BTD: variants seen among roughly 807,000 people sequenced by gnomAD.
BTD encodes the protein biocytinase.
In BTD, 13 loss-of-function variants were observed where a neutral mutation model predicts 17.7. The observed-to-expected ratio is 0.74, with a 90% CI of 0.48 to 1.17. The LOEUF (loss-of-function observed/expected upper bound fraction) is 1.17. Among genes scored for constraint, BTD ranks in the 50% most tolerant of loss-of-function variants. The probability of loss-of-function intolerance (pLI) is 0.00; values close to 1 mark genes in which losing one functional copy is unlikely to be tolerated. For missense variants in BTD, 674 were observed against 650.4 expected (o/e 1.04, Z -0.39); for synonymous variants, 240 against 245.2 (o/e 0.98, Z 0.20).
In BTD at chr3:15,648,385, A is replaced by G. The variant is rs923477488; in HGVS notation, c.*2897A>G. ...TGCTTGGGAGGCCATGTTCCTTCTC[A>G]GGCCAGAGAAAGGTCCTGGTCTCCT... On this transcript the variant is annotated 3_prime_UTR_variant, in exon 4 of 4. Coordinates refer to ENST00000643237, the MANE Select transcript of BTD (RefSeq NM_001370658.1). Among the ~76,000 whole-genome samples the G allele has an allele frequency of 6.6e-6, 1 of 152,250 alleles. No homozygotes were observed. The highest frequency in any genetic ancestry group is 6.5e-5 in the Admixed American group (1 of 15,288).
chr3:15,693,712 C>T (rs2069131607), intron 3 of BTD, among the ~76,000 whole-genome samples: 1 of 152,048 alleles, frequency 6.6e-6, no homozygotes, highest in Non-Finnish European at 1.5e-5. Context: ...GACTTATTTA[C>T]TATGCATGTC....
intron 3 of BTD, among the ~76,000 whole-genome samples, chr3:15,643,178 T>C (rs1219418083): frequency 6.6e-6 from 1 of 152,220 alleles, no homozygotes; most frequent in Non-Finnish European, 1.5e-5. Flanking sequence ...AGTGCCTCTT[T>C]TTCCATCCTT....
chr3:15,618,678 A>G (rs560396530), intron 1 of BTD, among the ~76,000 whole-genome samples: 1 of 152,174 alleles, frequency 6.6e-6, no homozygotes, highest in South Asian at 2.1e-4. Flanking sequence ...GACGCCTGCC[A>G]CCACACCTGG....
chr3:15,658,902 T>C lies in BTD; in HGVS notation c.399+16845T>C, dbSNP rs76028219. The stretch of plus-strand genomic sequence containing the variant: ...TCGATGAAAACTCAGGAAGGTTATG[T>C]AACTTGCCAAAAATCATACAGGTTG... On this transcript the variant is annotated intron_variant, in intron 3 of 3. Coordinates refer to the BTD transcript ENST00000672141. Among the ~76,000 whole-genome samples, 654 of 152,286 alleles carry C rather than the reference T, an allele frequency of 4.3e-3. 1 individual carries two copies. Among genetic ancestry groups the C allele is most frequent in the Non-Finnish European group, 6.9e-3 (470 of 68,028 alleles).
intron 1 of BTD, among the ~76,000 whole-genome samples, chr3:15,628,846 A>G (rs1382918196): frequency 6.6e-6 from 1 of 152,010 alleles, no homozygotes; most frequent in Non-Finnish European, 1.5e-5. Context: ...AATCTGTTTC[A>G]TTTTTGCAGG....
At chr3:15,639,030 C>T (rs1259205004) in intron 2 of BTD, among the ~76,000 whole-genome samples, 1 of 152,192 alleles carries the variant, frequency 6.6e-6, no homozygotes, top group Admixed American at 6.5e-5. Context: ...AAAACGGAGT[C>T]TAGTTTCAAG....
At chr3:15,702,858 A>T (rs1338285602) in intron 3 of BTD, among the ~76,000 whole-genome samples, 1 of 152,130 alleles carries the variant, frequency 6.6e-6, no homozygotes, top group East Asian at 1.9e-4. Context: ...TCAGTTTTAA[A>T]AAATACAACT....
chr3:15,613,446 T>C (rs563547838), intron 1 of BTD, among the ~76,000 whole-genome samples: 4 of 152,188 alleles, frequency 2.6e-5, no homozygotes, highest in Non-Finnish European at 5.9e-5. Flanking sequence ...TCCTGAGCCC[T>C]GCCAGATAAT....
intron 1 of BTD, among the ~76,000 whole-genome samples, chr3:15,624,305 T>G (rs997838392): frequency 6.6e-6 from 1 of 152,206 alleles, no homozygotes; most frequent in Non-Finnish European, 1.5e-5. Context: ...CAGTCATTAT[T>G]GCCTCAGATA....
chr3:15,718,490 C>T lies in BTD; in HGVS notation c.1016-3280C>T, dbSNP rs150020849. ...TACTCTAAGTGGGCCTCTTAGAGGA[C>T]TGATTCTCAATTCTACATTTCAAAA... On this transcript the variant is annotated intron_variant, in intron 4 of 4. Coordinates refer to the BTD transcript ENST00000672427. Among the ~76,000 whole-genome samples, 717 of 152,278 alleles carry T rather than the reference C, an allele frequency of 4.7e-3. 9 individuals carry two copies. Among genetic ancestry groups the T allele is most frequent in the African/African-American group, 0.016 (681 of 41,560 alleles).
rs549893744 is a variant in BTD, at chr3:15,601,908, G to A, written c.-17+14G>A. 6.2e-7 allele frequency: 1 copy of A among 1,613,324 alleles called. No individual in the cohort carries two copies. The highest frequency in any genetic ancestry group is 1.3e-5 in the African/African-American group (1 of 75,010). ...CGCTAAGAGCAGGTACGGAGGGGGC[G>A]TGGTGCGGCGCGGAGGGGGTGTGGT... On this transcript the variant is annotated intron_variant, in intron 1 of 3. Transcript: ENST00000643237.
At position 15,652,114 on chromosome 3, in the gene BTD, G is replaced by T. The variant is rs966076113; in HGVS notation, c.*6626G>T. Among the ~76,000 whole-genome samples the T allele has an allele frequency of 6.6e-6, 1 of 152,232 alleles. No individual in the cohort carries two copies. The highest frequency in any genetic ancestry group is 2.4e-5 in the African/African-American group (1 of 41,460). ...GAGGCCAAGCCTGGCGGATCACAAG[G>T]TTAGGAGTTCAAGACCAGTCTGGCC... On this transcript the variant is annotated 3_prime_UTR_variant, in exon 4 of 4. Transcript: ENST00000643237.
downstream of BTD, among the ~76,000 whole-genome samples, chr3:15,657,643 C>G (rs1420113112): frequency 2.6e-5 from 4 of 152,160 alleles, no homozygotes; most frequent in South Asian, 2.1e-4. Flanking sequence ...AGTAGCCTTT[C>G]CATATTCCAG....
chr3:15,658,834 T>C (rs1307318829), intron 3 of BTD, among the ~76,000 whole-genome samples: 3 of 152,230 alleles, frequency 2.0e-5, no homozygotes, highest in Non-Finnish European at 2.9e-5. Context: ...CTCATCTCAT[T>C]TATACCAGAA....
Position 15,644,411 on chromosome 3 carries a change from G to A in BTD, c.495G>A (p.Arg165=). 6.2e-7 allele frequency: 1 copy of A among 1,614,118 alleles called. No homozygotes were observed. Among genetic ancestry groups the A allele is most frequent in the Non-Finnish European group, 8.5e-7 (1 of 1,180,016 alleles). ...AGCCTTGTCATAGCAGTGACCCAAG[G>A]TGCCCAAAAGATGGGAGATACCAGT... ...TKEPCHSSDP[R]CPKDGRYQFN... The change falls in exon 4 of 4, where the codon AGG becomes AGA. Residue 165 remains arginine, a synonymous_variant. Coordinates refer to ENST00000643237, the MANE Select transcript of BTD (RefSeq NM_001370658.1).
intron 3 of BTD, among the ~76,000 whole-genome samples, chr3:15,705,071 G>C (rs1048009010): frequency 1.3e-5 from 2 of 152,164 alleles, no homozygotes; most frequent in Admixed American, 6.5e-5. Flanking sequence ...GAAACTCCAA[G>C]ATTTAAATTG....
Position 15,696,169 on chromosome 3 carries a change from A to C in BTD, c.400-13891A>C, listed in dbSNP as rs369238834. On this transcript the variant is annotated intron_variant, in intron 3 of 3. Coordinates refer to the BTD transcript ENST00000672141. Reference sequence around the variant, plus strand: ...CATAGACGGTGACCATAAGCAGCTGAATAATGAACTGCGTTGTATCCTTGC... The same window carrying C: ...CATAGACGGTGACCATAAGCAGCTGCATAATGAACTGCGTTGTATCCTTGC... 308 of 1,592,888 alleles carry C rather than the reference A, an allele frequency of 1.9e-4. No homozygotes were observed. The highest frequency in any genetic ancestry group is 2.5e-4 in the Non-Finnish European group (294 of 1,167,892).
chr3:15,649,530 A>C lies in BTD; in HGVS notation c.*4042A>C, dbSNP rs1051493925. Among the ~76,000 whole-genome samples, 4 of 152,160 alleles carry C rather than the reference A, an allele frequency of 2.6e-5. No homozygotes were observed. The highest frequency in any genetic ancestry group is 4.4e-5 in the Non-Finnish European group (3 of 68,034). ...CAACAGTTGCTGTTCCTCAGGCCAA[A>C]GTTCACATTCTGCACAGCCTCAGCT... On this transcript the variant is annotated 3_prime_UTR_variant, in exon 4 of 4. Transcript: ENST00000643237.
At chr3:15,695,405 T>C (rs538769825) in intron 3 of BTD, among the ~76,000 whole-genome samples, 12 of 152,236 alleles carry the variant, frequency 7.9e-5, no homozygotes, top group Admixed American at 1.3e-4. Context: ...GTCTAAAATT[T>C]TGGTGTGAAT....
Sources: gnomAD v4.1 joint callset for allele counts (sites outside exome capture counted in the v4.1 genomes callset) on GRCh38, gnomAD v4.1.1 for gene constraint, MANE v1.5 for transcripts, NCBI Gene and HGNC (gene_info 2026-07-23, HGNC 2026-07-21) for gene names.